ZNF521: variants seen among roughly 807,000 people sequenced by gnomAD.
ZNF521 encodes the protein zinc finger protein 521.
A neutral mutation model predicts 105.5 loss-of-function variants in ZNF521; 14 were observed. That is an observed-to-expected ratio of 0.13 (90% CI 0.09 to 0.21). ZNF521 has a LOEUF of 0.21. Among genes scored for constraint, ZNF521 ranks in the 10% least tolerant of loss-of-function variants. The pLI is 1.00. For synonymous variants in ZNF521, 635 were observed against 606.0 expected, an observed-to-expected ratio of 1.05 and a Z score of -0.70; for missense variants, 1,233 against 1,629.7, an observed-to-expected ratio of 0.76 and a Z score of 4.19.
intron 3 of ZNF521, among the ~76,000 whole-genome samples, chr18:25,304,287 C>T (rs1370168049): frequency 6.6e-6 from 1 of 152,150 alleles, no homozygotes; most frequent in Non-Finnish European, 1.5e-5. Flanking sequence ...TGTGGTAGTC[C>T]ATACATTCTT....
At chr18:25,260,454 C>T (rs116220219) in intron 3 of ZNF521, among the ~76,000 whole-genome samples, 23 of 152,142 alleles carry the variant, frequency 1.5e-4, no homozygotes, top group African/African-American at 5.3e-4. Context: ...GGAAGAAAAC[C>T]TTAAGCAAGT....
intron 5 of ZNF521, among the ~76,000 whole-genome samples, chr18:25,135,376 T>G (rs991261285): frequency 6.6e-6 from 1 of 151,978 alleles, no homozygotes; most frequent in Non-Finnish European, 1.5e-5. Flanking sequence ...CCTGCTTGTT[T>G]TCCTTCTCTG....
chr18:25,202,829 G>T (rs1025932371), intron 4 of ZNF521: 2 of 152,138 alleles, frequency 1.3e-5, no homozygotes, highest in Admixed American at 6.5e-5. Context: ...ATGAAAATAA[G>T]TCACTGAAGA....
chr18:25,065,276 C>G (rs1402995762), intron 7 of ZNF521, among the ~76,000 whole-genome samples: 1 of 152,142 alleles, frequency 6.6e-6, no homozygotes, highest in Non-Finnish European at 1.5e-5. Context: ...TCCAAATACT[C>G]CAAAATCTGA....
chr18:25,286,595 T>A (rs1910719108), intron 3 of ZNF521, among the ~76,000 whole-genome samples: 1 of 152,202 alleles, frequency 6.6e-6, no homozygotes, highest in Admixed American at 6.5e-5. Flanking sequence ...ACAAAGGTCA[T>A]ACAATAATCA....
intron 1 of ZNF521, chr18:25,351,784 G>T (rs1766495695): frequency 6.1e-6 from 1 of 162,998 alleles, no homozygotes; most frequent in African/African-American, 2.4e-5. Flanking sequence ...GGGGGTGTGC[G>T]GGGCCCGGGC....
intron 3 of ZNF521, among the ~76,000 whole-genome samples, chr18:25,286,694 A>G (rs1010443462): frequency 6.6e-6 from 1 of 152,202 alleles, no homozygotes; most frequent in African/African-American, 2.4e-5. Context: ...TAACAACTAA[A>G]CACCATTTGG....
chr18:25,270,690 ACT>A, intron 3 of ZNF521, among the ~76,000 whole-genome samples: 1 of 152,294 alleles, frequency 6.6e-6, no homozygotes, highest in Non-Finnish European at 1.5e-5. Context: ...TGATTATCTC[ACT>A]AGATGCAGAA....
At chr18:25,096,457 G>C (rs1348086715) in intron 5 of ZNF521, among the ~76,000 whole-genome samples, 1 of 152,194 alleles carries the variant, frequency 6.6e-6, no homozygotes, top group African/African-American at 2.4e-5. Context: ...TAAATTATGA[G>C]CTCCAAGGTG....
At chr18:25,108,249 G>T (rs1395290891) in intron 5 of ZNF521, among the ~76,000 whole-genome samples, 1 of 152,100 alleles carries the variant, frequency 6.6e-6, no homozygotes, top group Non-Finnish European at 1.5e-5. Flanking sequence ...TAAAGTATAT[G>T]CAATATACAG....
rs551947803 is a variant in ZNF521, at chr18:25,074,100, A to G, written c.3907-11359T>C. Among the ~76,000 whole-genome samples, 10 of 152,292 alleles carry G rather than the reference A, an allele frequency of 6.6e-5. No individual in the cohort carries two copies. The East Asian group carries it at 1.7e-3, about 27-fold the overall frequency. The stretch of plus-strand genomic sequence containing the variant: ...CGTGCGTGTGTGCACGCGCACGGGA[A>G]TATGCCTGTGCGCATGTCCATTTCC... On this transcript the variant is annotated intron_variant, in intron 7 of 7. Transcript: ENST00000361524.
Position 25,224,831 on chromosome 18 carries a change from C to G in ZNF521, c.3087G>C (p.Val1029=). The change falls in exon 4 of 8, where the codon GTG becomes GTC. Residue 1029 remains valine (V), a synonymous_variant. Coordinates refer to ENST00000361524, the MANE Select transcript of ZNF521 (RefSeq NM_015461.3). ...GGATTTTGAGTTCCAAGGTGGAGGT[C>G]ACTGTCTGCATGCACACCACGCAGC... ...GFRCVVCMQT[V]TSTLELKIHG... is the part of the protein sequence containing the mutation. 6.2e-7 allele frequency: 1 copy of G among 1,614,068 alleles called. No homozygotes were observed. The highest frequency in any genetic ancestry group is 1.1e-5 in the South Asian group (1 of 91,072).
intron 5 of ZNF521, among the ~76,000 whole-genome samples, chr18:25,114,967 A>AT (rs1206460958): frequency 1.3e-5 from 2 of 151,854 alleles, no homozygotes; most frequent in African/African-American, 4.8e-5. Context: ...TTCTTGTTTT[A>AT]TTTTTTTTCC....
chr18:25,272,272 G>C (rs1220426037), intron 3 of ZNF521, among the ~76,000 whole-genome samples: 1 of 152,198 alleles, frequency 6.6e-6, no homozygotes, highest in African/African-American at 2.4e-5. Flanking sequence ...ACAGATGCTG[G>C]AGAGGATGTA....
intron 3 of ZNF521, among the ~76,000 whole-genome samples, chr18:25,253,735 A>G (rs1908274829): frequency 6.6e-6 from 1 of 152,162 alleles, no homozygotes; most frequent in Non-Finnish European, 1.5e-5. Flanking sequence ...GTTAATAAGA[A>G]ATGATCAGCA....
chr18:25,154,264 G>A (rs2035102180), intron 5 of ZNF521, among the ~76,000 whole-genome samples: 1 of 152,228 alleles, frequency 6.6e-6, no homozygotes, highest in Middle Eastern at 3.4e-3. Context: ...ACATGCTGTG[G>A]CCCGAAGCTG....
intron 2 of ZNF521, among the ~76,000 whole-genome samples, chr18:25,322,676 C>A (rs1487518617): frequency 6.6e-6 from 1 of 152,010 alleles, no homozygotes; most frequent in East Asian, 1.9e-4. Context: ...CAAAATTGAC[C>A]TTTACTTATA....
At chr18:25,120,582 T>TAAAAAAAA (rs796811110) in intron 5 of ZNF521, among the ~76,000 whole-genome samples, 1,562 of 8,536 alleles carry the variant, frequency 0.18, 18 homozygotes, top group South Asian at 0.38. Context: ...AAACTCCATC[T>TAAAAAAAA]AAAAAAAAAA....
intron 5 of ZNF521, among the ~76,000 whole-genome samples, chr18:25,182,491 T>C (rs2035648680): frequency 6.6e-6 from 1 of 152,202 alleles, no homozygotes; most frequent in Admixed American, 6.5e-5. Flanking sequence ...TAAACACACC[T>C]ATATGTGACG....
Sources: gnomAD v4.1 joint callset for allele counts (sites outside exome capture counted in the v4.1 genomes callset) on GRCh38, gnomAD v4.1.1 for gene constraint, MANE v1.5 for transcripts, NCBI Gene and HGNC (gene_info 2026-07-23, HGNC 2026-07-21) for gene names.